Variants in CMTM8 observed in about 807,000 individuals in gnomAD.
CMTM8 encodes the protein CKLF-like MARVEL transmembrane domain-containing protein 8.
In CMTM8, 12 loss-of-function variants were observed where a neutral mutation model predicts 18.6. The ratio of observed to expected loss-of-function variants is 0.65; its 90% CI spans 0.41 to 1.05. The LOEUF is 1.05. Among genes scored for constraint, CMTM8 ranks in the 50% least tolerant of loss-of-function variants. The pLI is 0.00. For synonymous variants in CMTM8, 87 were observed against 90.6 expected, an observed-to-expected ratio of 0.96 and a Z score of 0.23; for missense variants, 217 against 227.2, an observed-to-expected ratio of 0.95 and a Z score of 0.29.
chr3:32,344,677 T>C (rs1471591542), intron 1 of CMTM8, among the ~76,000 whole-genome samples: 3 of 152,156 alleles, frequency 2.0e-5, no homozygotes, highest in African/African-American at 7.2e-5. Flanking sequence ...GTAGGATCAC[T>C]TGAGTCTAGG....
intron 1 of CMTM8, among the ~76,000 whole-genome samples, chr3:32,274,570 A>G (rs1439772310): frequency 6.6e-6 from 1 of 152,200 alleles, no homozygotes; most frequent in Non-Finnish European, 1.5e-5. Flanking sequence ...GGTTGCAGAC[A>G]TCACACTCCT....
chr3:32,349,805 C>T lies in CMTM8; in HGVS notation c.148-7568C>T, dbSNP rs189118517. On this transcript the variant is annotated intron_variant, in intron 1 of 3. Transcript: ENST00000307526. ...GGCAGATCACTGGAGGTCAGGAGTT[C>T]GAGACCAGCCTGGCCAACATGGTGA... is the stretch of plus-strand genomic sequence containing the variant. Among the ~76,000 whole-genome samples, 739 of 152,120 alleles carry T rather than the reference C, an allele frequency of 4.9e-3. 8 individuals carry two copies. Among genetic ancestry groups the T allele is most frequent in the African/African-American group, 0.017 (696 of 41,518 alleles).
rs1702234256 is a variant in CMTM8 at position 32,259,974 on chromosome 3, A to G, written c.147+20855A>G. 14 of 1,119,026 alleles carry G rather than the reference A, an allele frequency of 1.3e-5. No individual in the cohort carries two copies. The South Asian group carries it at 1.6e-4, about 13-fold the overall frequency. The allele number at this position is 1,119,026 out of a possible 1,614,324, so 69.3% of individuals were successfully genotyped here. A position where few individuals can be genotyped will look rare whatever the true frequency, so the allele number is the denominator to read the frequency against. Reference sequence around the variant, plus strand: ...CTCAACGGGATCCTGCTGCACCTGGAGTCAGAGCTGGCACTGACCCAGGCA... The same window carrying G: ...CTCAACGGGATCCTGCTGCACCTGGGGTCAGAGCTGGCACTGACCCAGGCA... On this transcript the variant is annotated intron_variant, in intron 1 of 3. Coordinates refer to ENST00000307526, the MANE Select transcript of CMTM8 (RefSeq NM_178868.5).
intron 1 of CMTM8, among the ~76,000 whole-genome samples, chr3:32,336,985 G>T (rs1696401950): frequency 6.6e-6 from 1 of 152,154 alleles, no homozygotes; most frequent in Non-Finnish European, 1.5e-5. Flanking sequence ...TGGGGACTCT[G>T]CAGAGTTTTG....
At chr3:32,327,130 G>T (rs1304868987) in intron 1 of CMTM8, among the ~76,000 whole-genome samples, 1 of 150,356 alleles carries the variant, frequency 6.7e-6, no homozygotes, top group Non-Finnish European at 1.5e-5. Flanking sequence ...AAAAAAAAAT[G>T]GAGTTTTTCA....
intron 1 of CMTM8, among the ~76,000 whole-genome samples, chr3:32,276,074 T>A (rs1187509178): frequency 6.6e-6 from 1 of 152,110 alleles, no homozygotes; most frequent in East Asian, 1.9e-4. Flanking sequence ...CAGTGGTGGG[T>A]TGGTTTTAGA....
intron 1 of CMTM8, among the ~76,000 whole-genome samples, chr3:32,293,217 C>G (rs1702814052): frequency 6.6e-6 from 1 of 152,032 alleles, no homozygotes; most frequent in Non-Finnish European, 1.5e-5. Flanking sequence ...AACTTGTCCA[C>G]TGTGGTTAAT....
At chr3:32,310,536 C>T (rs1478213884) in intron 1 of CMTM8, among the ~76,000 whole-genome samples, 2 of 152,162 alleles carry the variant, frequency 1.3e-5, no homozygotes, top group African/African-American at 4.8e-5. Context: ...CTACTTTCTC[C>T]TAGGGTTATT....
chr3:32,321,669 C>G (rs1696057200), intron 1 of CMTM8, among the ~76,000 whole-genome samples: 1 of 152,166 alleles, frequency 6.6e-6, no homozygotes, highest in Non-Finnish European at 1.5e-5. Context: ...GCAATCATGG[C>G]TCACTGCAGC....
At chr3:32,253,553 A>G (rs1702141154) in intron 1 of CMTM8, among the ~76,000 whole-genome samples, 1 of 151,936 alleles carries the variant, frequency 6.6e-6, no homozygotes, top group African/African-American at 2.4e-5. Context: ...GGGTTTCACC[A>G]TGCTAGCCAG....
intron 1 of CMTM8, among the ~76,000 whole-genome samples, chr3:32,355,966 C>T (rs1024437411): frequency 1.3e-5 from 2 of 152,168 alleles, no homozygotes; most frequent in Non-Finnish European, 2.9e-5. Context: ...GTCATTTCCC[C>T]CATCATAGAC....
At chr3:32,252,880 T>C (rs946233774) in intron 1 of CMTM8, among the ~76,000 whole-genome samples, 3 of 152,230 alleles carry the variant, frequency 2.0e-5, no homozygotes, top group African/African-American at 7.2e-5. Context: ...TCCAATATTA[T>C]GATAGTACAG....
At chr3:32,303,617 TC>T (rs1187036375) in intron 1 of CMTM8, among the ~76,000 whole-genome samples, 1 of 152,018 alleles carries the variant, frequency 6.6e-6, no homozygotes, top group Non-Finnish European at 1.5e-5. Flanking sequence ...TAACCGAGCT[TC>T]CCCCCTCCCC....
intron 1 of CMTM8, among the ~76,000 whole-genome samples, chr3:32,320,203 T>G (rs1402679829): frequency 6.6e-6 from 1 of 152,214 alleles, no homozygotes; most frequent in Non-Finnish European, 1.5e-5. Context: ...TTATTTACAA[T>G]AGCCAAAATG....
intron 1 of CMTM8, among the ~76,000 whole-genome samples, chr3:32,242,460 C>G (rs918282385): frequency 6.6e-6 from 1 of 151,936 alleles, no homozygotes; most frequent in African/African-American, 2.4e-5. Flanking sequence ...CCAGCTGTGA[C>G]CACAGGCATG....
rs75304569 is a variant in CMTM8 at position 32,321,152 on chromosome 3, C to T, written c.148-36221C>T. On this transcript the variant is annotated intron_variant, in intron 1 of 3. Transcript: ENST00000307526. ...GGGTTTAAAAATAACACCAAGTCAG[C>T]GGTGTGCTTTCCTGGGGTGAAGCGG... Among the ~76,000 whole-genome samples the T allele has an allele frequency of 2.5e-3, 377 of 151,892 alleles. 5 individuals are homozygous for T. In the East Asian group the frequency reaches 0.038, roughly 15 times the overall value.
chr3:32,356,207 T>A (rs1034984176), intron 1 of CMTM8, among the ~76,000 whole-genome samples: 2 of 152,180 alleles, frequency 1.3e-5, no homozygotes, highest in Non-Finnish European at 2.9e-5. Flanking sequence ...GTATTTTGAT[T>A]CATATACCAC....
At chr3:32,282,530 G>GT (rs988279274) in intron 1 of CMTM8, among the ~76,000 whole-genome samples, 1 of 152,086 alleles carries the variant, frequency 6.6e-6, no homozygotes, top group African/African-American at 2.4e-5. Context: ...ACCACCTGCA[G>GT]TATTATCACC....
intron 1 of CMTM8, among the ~76,000 whole-genome samples, chr3:32,268,345 C>CA (rs1046782238): frequency 1.3e-5 from 2 of 152,070 alleles, no homozygotes; most frequent in South Asian, 4.1e-4. Context: ...CTCGCAAGGA[C>CA]AAAAAACCAA....
Sources: allele counts gnomAD v4.1 joint callset (sites outside exome capture counted in the v4.1 genomes callset), GRCh38; gene constraint gnomAD v4.1.1; transcripts MANE v1.5; gene names NCBI Gene and HGNC (gene_info 2026-07-23, HGNC 2026-07-21).